MLPH: variants seen among roughly 807,000 people sequenced by gnomAD.
MLPH encodes melanophilin, also known as exophilin-3.
Under a neutral mutation model 72.1 loss-of-function variants are expected in MLPH, and 51 were observed. The observed-to-expected ratio is 0.71, with a 90% CI of 0.56 to 0.89. MLPH has a LOEUF of 0.89. Ranked by LOEUF, MLPH falls within the 40% of genes least tolerant of loss-of-function variation. The probability of loss-of-function intolerance (pLI) is 0.00; values close to 1 mark genes in which losing one functional copy is unlikely to be tolerated. For synonymous variants in MLPH, 301 were observed against 310.1 expected (o/e 0.97, Z 0.31); for missense variants, 743 against 759.9 (o/e 0.98, Z 0.26).
intron 9 of MLPH, 88 bp from the exon 10 acceptor site, chr2:237,540,260 G>A: frequency 6.9e-7 from 1 of 1,458,560 alleles, no homozygotes; most frequent in Non-Finnish European, 9.4e-7. Flanking sequence ...AGGTGTGCTG[G>A]GCCCTGGCCC....
intron 12 of MLPH, among the ~76,000 whole-genome samples, chr2:237,543,012 A>G (rs1413483970): frequency 2.8e-4 from 9 of 32,224 alleles, no homozygotes; most frequent in Non-Finnish European, 4.9e-5. Flanking sequence ...GTGAGTGGAG[A>G]CAGTGGTGAG....
chr2:237,487,792 G>C (rs1313440851), intron 1 of MLPH, among the ~76,000 whole-genome samples: 1 of 152,252 alleles, frequency 6.6e-6, no homozygotes, highest in Non-Finnish European at 1.5e-5. Flanking sequence ...CTGATGCCAA[G>C]TAGGCTGGCC....
In MLPH at chr2:237,546,690, G is replaced by A. The variant is rs758676468; in HGVS notation, c.1617+7G>A. The A allele has an allele frequency of 6.2e-7, 1 of 1,612,962 alleles. No homozygotes were observed. Among genetic ancestry groups the A allele is most frequent in the Non-Finnish European group, 8.5e-7 (1 of 1,178,922 alleles). The stretch of plus-strand genomic sequence containing the variant: ...CCCTTCAAGTGAGGCCAAGGTATGT[G>A]TTACTCCATTCAAGCCCCAGACACC... On this transcript the variant is annotated splice_region_variant and intron_variant, in intron 13 of 15. Transcript: ENST00000264605.
In MLPH at chr2:237,527,308, T is replaced by G. The variant is rs778886265; in HGVS notation, c.881-69T>G. On this transcript the variant is annotated intron_variant, in intron 7 of 15. Coordinates refer to ENST00000264605, the MANE Select transcript of MLPH (RefSeq NM_024101.7). ...TTCTTTGAGCCTCATTTTTCTTCAT[T>G]GGACTAAACACGTCCATCAGCTTTC... 1.9e-6 allele frequency: 3 copies of G among 1,599,120 alleles called. No individual in the cohort carries two copies. In the Admixed American group the frequency reaches 5.0e-5, roughly 27 times the overall value.
rs187239997 is a variant in MLPH, at chr2:237,524,636, C to A, written c.676-965C>A. ...TCTCCTTTGGCAACACCCTCACAGA[C>A]ACAGCCAGGAACAATATTGCATCCC... is the stretch of plus-strand genomic sequence containing the variant. On this transcript the variant is annotated intron_variant, in intron 6 of 15. Transcript: ENST00000264605. Among the ~76,000 whole-genome samples, 287 of 152,320 alleles carry A rather than the reference C, an allele frequency of 1.9e-3. 2 individuals carry two copies. The highest frequency in any genetic ancestry group is 6.3e-3 in the African/African-American group (261 of 41,562).
chr2:237,489,746 A>G (rs1460775270), intron 1 of MLPH, among the ~76,000 whole-genome samples: 5 of 152,216 alleles, frequency 3.3e-5, no homozygotes, highest in South Asian at 4.1e-4. Flanking sequence ...AGGCTCCCCA[A>G]GCAGCCAGCC....
intron 4 of MLPH, chr2:237,518,144 G>A (rs564200132): frequency 1.1e-5 from 4 of 353,266 alleles, no homozygotes; most frequent in South Asian, 6.5e-5. Context: ...GGATGGATGG[G>A]TGGGTAGGTG....
intron 8 of MLPH, among the ~76,000 whole-genome samples, chr2:237,528,200 T>C (rs1375489165): frequency 6.6e-6 from 1 of 152,112 alleles, no homozygotes; most frequent in Non-Finnish European, 1.5e-5. Context: ...AGATGGACGG[T>C]GGTGACAGTT....
At chr2:237,511,338 C>A (rs2079900338) in intron 4 of MLPH, 1 of 454,158 alleles carries the variant, frequency 2.2e-6, no homozygotes, top group South Asian at 2.1e-5. Flanking sequence ...CCTCGAACTC[C>A]TGGGCTCAAG....
In MLPH at chr2:237,510,699, G is replaced by T; in HGVS notation, c.236G>T (p.Arg79Met). 6.2e-7 allele frequency: 1 copy of T among 1,613,746 alleles called. No individual in the cohort carries two copies. Among genetic ancestry groups the T allele is most frequent in the South Asian group, 1.1e-5 (1 of 91,086 alleles). The change falls in exon 3 of 16, where the codon AGG becomes ATG. Residue 79 changes from arginine to methionine, a missense_variant. Coordinates refer to ENST00000264605, the MANE Select transcript of MLPH (RefSeq NM_024101.7). The surrounding 1 kb of genome is among the most constrained non-coding windows in gnomAD (Gnocchi z 4.4). ...QPYQLLVNSK[R>M]QCLECGLFTC... ...TACCAGCTGCTTGTGAATAGCAAAAGGCAGTGCCTGGAATGTGGCCTCTTC... is the reference window on the plus strand; with the variant it reads ...TACCAGCTGCTTGTGAATAGCAAAATGCAGTGCCTGGAATGTGGCCTCTTC...
intron 1 of MLPH, among the ~76,000 whole-genome samples, chr2:237,491,800 T>C (rs1360817499): frequency 1.3e-5 from 2 of 152,148 alleles, no homozygotes; most frequent in Non-Finnish European, 2.9e-5. Context: ...GATATTGCCA[T>C]ATGAAAAGCC....
rs2079924326 is a variant in MLPH at position 237,512,403 on chromosome 2, G to A, written c.445+1302G>A. ...GGAGCAGTACACCGCACACCACAGGGTGGCTGCACTTTTTGGGTGGTGGGG... is the reference window on the plus strand; with the variant it reads ...GGAGCAGTACACCGCACACCACAGGATGGCTGCACTTTTTGGGTGGTGGGG... On this transcript the variant is annotated intron_variant, in intron 4 of 15. Coordinates refer to ENST00000264605, the MANE Select transcript of MLPH (RefSeq NM_024101.7). The surrounding 1 kb of genome is among the most constrained non-coding windows in gnomAD (Gnocchi z 5.5). Among the ~76,000 whole-genome samples, 1 of 152,204 alleles carries A rather than the reference G, an allele frequency of 6.6e-6. No individual in the cohort carries two copies. The highest frequency in any genetic ancestry group is 6.5e-5 in the Admixed American group (1 of 15,282).
At chr2:237,495,139 C>T (rs7594228) in intron 2 of MLPH, among the ~76,000 whole-genome samples, 24 of 152,170 alleles carry the variant, frequency 1.6e-4, no homozygotes, top group Non-Finnish European at 2.8e-4. Flanking sequence ...TCTCTCTCAC[C>T]CTCCCTCCCT....
At chr2:237,489,984 C>T (rs2079396201) in intron 1 of MLPH, among the ~76,000 whole-genome samples, 1 of 152,210 alleles carries the variant, frequency 6.6e-6, no homozygotes, top group African/African-American at 2.4e-5. Flanking sequence ...TATTCAACTG[C>T]TGGGGAAGGC....
chr2:237,488,911 C>T (rs1475902212), intron 1 of MLPH, among the ~76,000 whole-genome samples: 1 of 152,176 alleles, frequency 6.6e-6, no homozygotes, highest in African/African-American at 2.4e-5. Flanking sequence ...CTGTCTTGTT[C>T]TTTTCAGAAG....
chr2:237,490,087 G>A (rs1013758949), intron 1 of MLPH, among the ~76,000 whole-genome samples: 5 of 152,174 alleles, frequency 3.3e-5, no homozygotes, highest in Admixed American at 2.6e-4. Context: ...GTGAGCAGGC[G>A]TTATCTAAAC....
intron 14 of MLPH, 112 bp downstream of exon 14, chr2:237,549,390 T>C: frequency 4.7e-6 from 5 of 1,054,550 alleles, no homozygotes; most frequent in Non-Finnish European, 7.4e-6. Flanking sequence ...ACATATCTCA[T>C]GTCCTGACTC....
At chr2:237,538,582 A>G (rs1386238857) in intron 9 of MLPH, among the ~76,000 whole-genome samples, 3 of 152,192 alleles carry the variant, frequency 2.0e-5, no homozygotes, top group Non-Finnish European at 2.9e-5. Flanking sequence ...TGTCCTTTTA[A>G]GGCCGCTGAG....
chr2:237,538,654 G>A (rs2080593065), intron 9 of MLPH, among the ~76,000 whole-genome samples: 1 of 152,168 alleles, frequency 6.6e-6, no homozygotes, highest in Non-Finnish European at 1.5e-5. Flanking sequence ...TTCCTCCAGG[G>A]ATGAAATCCA....
Sources: allele counts gnomAD v4.1 joint callset (sites outside exome capture counted in the v4.1 genomes callset), GRCh38; gene constraint gnomAD v4.1.1; non-coding constraint Gnocchi (gnomAD v3.1); transcripts MANE v1.5; gene names NCBI Gene and HGNC (gene_info 2026-07-23, HGNC 2026-07-21).